UBAP2: variants seen among roughly 807,000 people sequenced by gnomAD.
UBAP2 encodes the protein ubiquitin-associated protein 2.
A neutral mutation model predicts 139.6 loss-of-function variants in UBAP2; 75 were observed. The ratio of observed to expected loss-of-function variants is 0.54; its 90% CI spans 0.45 to 0.65. The LOEUF is 0.65. UBAP2 is among the 30% of genes least tolerant of loss of function. The pLI, the probability that UBAP2 is intolerant of heterozygous loss-of-function variation, is 0.00. For missense variants in UBAP2, 1,368 were observed against 1,369.6 expected (o/e 1.00, Z 0.02); for synonymous variants, 526 against 526.2 (o/e 1.00, Z 0.01).
intron 16 of UBAP2, among the ~76,000 whole-genome samples, chr9:33,939,762 A>G (rs891567819): frequency 3.6e-5 from 1 of 28,110 alleles, no homozygotes; most frequent in African/African-American, 1.6e-4. Flanking sequence ...GGGGAGGGGG[A>G]GGGGGAGGAG....
intron 19 of UBAP2, among the ~76,000 whole-genome samples, chr9:33,931,058 T>C (rs908586349): frequency 6.6e-6 from 1 of 152,170 alleles, no homozygotes; most frequent in Non-Finnish European, 1.5e-5. Flanking sequence ...TTTCCATAAC[T>C]TTTCAGATGA....
intron 12 of UBAP2, 128 bp from the exon 13 acceptor site, chr9:33,948,715 A>G (rs1825849969): frequency 1.5e-6 from 1 of 689,004 alleles, no homozygotes; most frequent in African/African-American, 1.8e-5. Context: ...TTACTAAAAT[A>G]TAACTTAGAA....
At chr9:33,987,376 C>T (rs1208657768) in intron 5 of UBAP2, among the ~76,000 whole-genome samples, 4 of 152,142 alleles carry the variant, frequency 2.6e-5, no homozygotes, top group Non-Finnish European at 5.9e-5. Flanking sequence ...CTCCTCACTG[C>T]ACTCCAGCCT....
At chr9:33,962,780 C>A (rs1311597897) in intron 9 of UBAP2, among the ~76,000 whole-genome samples, 2 of 151,772 alleles carry the variant, frequency 1.3e-5, no homozygotes, top group South Asian at 2.1e-4. Context: ...AGTTTCAGAT[C>A]AGCCTGGCCA....
At chr9:33,973,078 C>A (rs1173092656) in intron 7 of UBAP2, 105 bp downstream of exon 7, 3 of 973,744 alleles carry the variant, frequency 3.1e-6, no homozygotes, top group Admixed American at 2.1e-5. Flanking sequence ...ATAGAAAACA[C>A]TAGATTCACC....
intron 6 of UBAP2, among the ~76,000 whole-genome samples, chr9:33,985,731 T>A (rs1478985210): frequency 5.9e-5 from 9 of 151,652 alleles, no homozygotes; most frequent in African/African-American, 2.2e-4. Context: ...AGAGAAGGAA[T>A]AAATTCTAGG....
intron 8 of UBAP2, 93 bp downstream of exon 8, chr9:33,971,558 C>T: frequency 3.8e-6 from 3 of 781,626 alleles, no homozygotes; most frequent in Non-Finnish European, 6.7e-6. Flanking sequence ...TCTTTTCCAT[C>T]AGCACATTTA....
chr9:33,971,023 G>A (rs1043031573), intron 8 of UBAP2, among the ~76,000 whole-genome samples: 8 of 152,124 alleles, frequency 5.3e-5, no homozygotes, highest in Middle Eastern at 3.4e-3. Flanking sequence ...GGCTGGTCTC[G>A]AACTCCTGAC....
At chr9:33,942,211 C>T (rs1461415557) in intron 15 of UBAP2, among the ~76,000 whole-genome samples, 4 of 152,048 alleles carry the variant, frequency 2.6e-5, no homozygotes, top group Admixed American at 2.6e-4. Flanking sequence ...ACTCTGGAGG[C>T]TGAGAAAGGA....
chr9:33,936,673 T>G (rs1289011382), intron 16 of UBAP2, among the ~76,000 whole-genome samples: 1 of 151,556 alleles, frequency 6.6e-6, no homozygotes, highest in Non-Finnish European at 1.5e-5. Flanking sequence ...AACAAATAAA[T>G]AAATAAAGGA....
chr9:34,035,981 T>G lies in UBAP2; in HGVS notation c.-42+12844A>C, dbSNP rs564126778. Among the ~76,000 whole-genome samples, 4 of 152,052 alleles carry G rather than the reference T, an allele frequency of 2.6e-5. No homozygotes were observed. The South Asian group carries it at 8.3e-4, about 32-fold the overall frequency. The stretch of plus-strand genomic sequence containing the variant: ...CTGATCGCATCACTGCATTCCTGAG[T>G]GACAGAGTAAGACCCTGTCTCAAAC... On this transcript the variant is annotated intron_variant, in intron 1 of 28. Coordinates refer to ENST00000379238, the MANE Select transcript of UBAP2 (RefSeq NM_001370062.2).
chr9:33,958,750 C>A (rs904384663), intron 10 of UBAP2, among the ~76,000 whole-genome samples: 11 of 139,284 alleles, frequency 7.9e-5, no homozygotes, highest in African/African-American at 3.0e-4. Flanking sequence ...CATGACGGCA[C>A]GCACCTGTAA....
chr9:33,928,016 C>G, intron 19 of UBAP2, 24 bp from the exon 20 acceptor site: 1 of 1,596,612 alleles, frequency 6.3e-7, no homozygotes, highest in South Asian at 1.1e-5. Flanking sequence ...AGCCAGGACA[C>G]ATGGATCTGG....
chr9:33,940,189 A>G (rs1825084107), intron 16 of UBAP2, among the ~76,000 whole-genome samples: 1 of 152,164 alleles, frequency 6.6e-6, no homozygotes, highest in Admixed American at 6.5e-5. Context: ...GAACCACCAC[A>G]GTGTCGTTTC....
chr9:33,956,205 G>T, intron 10 of UBAP2, 59 bp from the exon 11 acceptor site: 1 of 1,259,796 alleles, frequency 7.9e-7, no homozygotes, highest in South Asian at 1.2e-5. Flanking sequence ...CCAAAACACT[G>T]ACTTCCTGAT....
intron 2 of UBAP2, among the ~76,000 whole-genome samples, chr9:34,002,910 A>G (rs762402453): frequency 3.3e-5 from 5 of 151,164 alleles, no homozygotes. Flanking sequence ...TTAATATTGA[A>G]CCCCCCGAGC....
chr9:34,021,795 G>C lies in UBAP2; in HGVS notation c.-41-4606C>G, dbSNP rs554705816. 1.9e-4 allele frequency among the ~76,000 whole-genome samples: 29 copies of C among 152,004 alleles called. 1 individual carries two copies. Among genetic ancestry groups the C allele is most frequent in the African/African-American group, 7.0e-4 (29 of 41,478 alleles). ...ACTACAGACGCCTGCCACCACGCCC[G>C]ACTAATTTTTGTATTTTTAGTAGAG... On this transcript the variant is annotated intron_variant, in intron 1 of 28. Transcript: ENST00000379238.
At chr9:34,035,149 G>A (rs1209672056) in intron 1 of UBAP2, among the ~76,000 whole-genome samples, 3 of 151,868 alleles carry the variant, frequency 2.0e-5, no homozygotes, top group Non-Finnish European at 2.9e-5. Flanking sequence ...GTCACCACTG[G>A]TCTCCTAATT....
At chr9:33,982,925 G>A (rs1820895754) in intron 6 of UBAP2, among the ~76,000 whole-genome samples, 1 of 150,908 alleles carries the variant, frequency 6.6e-6, no homozygotes. Flanking sequence ...TGTCACCCAG[G>A]CCGGAGTGCC....
Sources: allele counts gnomAD v4.1 joint callset (sites outside exome capture counted in the v4.1 genomes callset), GRCh38; gene constraint gnomAD v4.1.1; transcripts MANE v1.5; gene names NCBI Gene and HGNC (gene_info 2026-07-23, HGNC 2026-07-21).